The following MACF1 variants were observed in gnomAD, a reference collection of about 807,000 sequenced individuals.
The protein encoded by MACF1 is microtubule-actin cross-linking factor 1.
A neutral mutation model predicts 854.8 loss-of-function variants in MACF1; 193 were observed. The observed-to-expected ratio is 0.23, with a 90% CI of 0.20 to 0.25. The LOEUF (loss-of-function observed/expected upper bound fraction) is 0.25. Among genes scored for constraint, MACF1 ranks in the 10% least tolerant of loss-of-function variants. The probability of loss-of-function intolerance (pLI) is 1.00; values close to 1 mark genes in which losing one functional copy is unlikely to be tolerated. For synonymous variants in MACF1, 3,185 were observed against 3,226.7 expected, an observed-to-expected ratio of 0.99 and a Z score of 0.44; for missense variants, 7,722 against 8,929.1, an observed-to-expected ratio of 0.86 and a Z score of 5.45.
intron 58 of MACF1, chr1:39,414,236 C>T (rs1299906121): frequency 3.1e-6 from 5 of 1,614,070 alleles, no homozygotes; most frequent in Non-Finnish European, 4.2e-6. Flanking sequence ...ATCCCAGCTG[C>T]TGCAGTGCCT....
Position 39,387,456 on chromosome 1 carries a change from A to G in MACF1, c.14614A>G (p.Thr4872Ala), listed in dbSNP as rs894716631. 22 of 1,614,106 alleles carry G rather than the reference A, an allele frequency of 1.4e-5. No homozygotes were observed. Among genetic ancestry groups the G allele is most frequent in the Non-Finnish European group, 1.9e-5 (22 of 1,180,022 alleles). Residue 4872 changes from threonine (T) to alanine (A), a missense_variant, in exon 58 of 101, where the codon ACT (threonine) becomes GCT (alanine). Thr to Ala is a moderately conservative substitution (Grantham distance 58). Around this residue, in one of 15 missense-constraint regions of MACF1, gnomAD observed 2,807 missense variants for 3,235.8 expected, o/e 0.87. Coordinates refer to ENST00000564288, the MANE Select transcript of MACF1 (RefSeq NM_001394062.1). ...LSVPPGEEKR[T>A]LQNQLVELKN... ...TGTACCTCCTGGAGAAGAGAAAAGG[A>G]CTCTACAAAACCAGTTGGTTGAGCT... is the stretch of plus-strand genomic sequence containing the variant.
At chr1:39,208,035 A>G (rs1281026393) in intron 1 of MACF1, among the ~76,000 whole-genome samples, 4 of 151,468 alleles carry the variant, frequency 2.6e-5, no homozygotes, top group Non-Finnish European at 5.9e-5. Context: ...CGGGAGGCTG[A>G]GGCAGGAGAA....
intron 66 of MACF1, among the ~76,000 whole-genome samples, chr1:39,431,941 A>C (rs1023009020): frequency 1.3e-5 from 2 of 152,188 alleles, no homozygotes; most frequent in Admixed American, 1.3e-4. Flanking sequence ...GTGCTACTGC[A>C]CTCCAGCCTG....
At position 39,368,187 on chromosome 1, in the gene MACF1, G is replaced by A. The variant is rs372470650; in HGVS notation, c.12811G>A (p.Asp4271Asn). The change falls in exon 50 of 101, where the codon GAT becomes AAT. Residue 4271 changes from aspartate (D) to asparagine (N), a missense_variant. Asp to Asn is a conservative substitution (Grantham distance 23). Transcript: ENST00000564288. ...AATGGAAGACCAACAGGAGAACCTA[G>A]ATACTCTTGAGCACCTGGTCACTGA... ...LEMEDQQENL[D>N]TLEHLVTELS... 6.8e-6 allele frequency: 11 copies of A among 1,614,134 alleles called. No homozygotes were observed. In the East Asian group the frequency reaches 1.6e-4, roughly 23 times the overall value.
At chr1:39,390,080 CTCACTA>C (rs1404106112) in intron 58 of MACF1, among the ~76,000 whole-genome samples, 2 of 152,206 alleles carry the variant, frequency 1.3e-5, no homozygotes, top group African/African-American at 2.4e-5. Flanking sequence ...GATCTTGGTT[CTCACTA>C]TATTAACCTG....
At position 39,415,556 on chromosome 1, in the gene MACF1, T is replaced by C. The variant is rs182937351; in HGVS notation, c.15817-6818T>C. Among the ~76,000 whole-genome samples, 1,201 of 150,126 alleles carry C rather than the reference T, an allele frequency of 8.0e-3. 5 individuals carry two copies. Among genetic ancestry groups the C allele is most frequent in the Non-Finnish European group, 0.013 (894 of 67,520 alleles). On this transcript the variant is annotated intron_variant, in intron 58 of 100. Coordinates refer to ENST00000564288, the MANE Select transcript of MACF1 (RefSeq NM_001394062.1). ...TTTTTTTTTTTTTAGTAGAGACGGG[T>C]TTCACTGTGTTAGCCAGGATGGTCT...
intron 21 of MACF1, chr1:39,298,625 A>G (rs1401936707): frequency 4.6e-6 from 2 of 435,054 alleles, no homozygotes; most frequent in Non-Finnish European, 9.1e-6. Context: ...GCATTTGTGA[A>G]TTTAAGTTTT....
At chr1:39,321,180 A>T (rs1303022043) in intron 31 of MACF1, among the ~76,000 whole-genome samples, 1 of 152,194 alleles carries the variant, frequency 6.6e-6, no homozygotes, top group African/African-American at 2.4e-5. Flanking sequence ...CAGAACACTC[A>T]CTGTAAGAAA....
intron 2 of MACF1, among the ~76,000 whole-genome samples, chr1:39,122,408 C>T (rs1368122188): frequency 6.6e-6 from 1 of 152,054 alleles, no homozygotes; most frequent in East Asian, 1.9e-4. Flanking sequence ...TGCCCACCAT[C>T]ATGCCTGGCT....
At chr1:39,296,836 AAGGAAGGAAAAG>A (rs747684336) in intron 20 of MACF1, among the ~76,000 whole-genome samples, 2,260 of 133,932 alleles carry the variant, frequency 0.017, 80 homozygotes, top group African/African-American at 0.059. Context: ...GGAAGGAAGG[AAGGAAGGAAAAG>A]AAAGAAAGAG....
intron 97 of MACF1, among the ~76,000 whole-genome samples, chr1:39,470,490 A>T (rs1219514016): frequency 2.0e-5 from 3 of 152,160 alleles, no homozygotes; most frequent in Admixed American, 6.5e-5. Flanking sequence ...AAAAAAATTT[A>T]AAAATTAGCT....
intron 6 of MACF1, chr1:39,269,501 C>A (rs1012743848): frequency 1.6e-6 from 2 of 1,289,734 alleles, no homozygotes; most frequent in Non-Finnish European, 2.0e-6. Flanking sequence ...AAGTGCCCCC[C>A]CAGGATTCCA....
chr1:39,283,052 T>G lies in MACF1; in HGVS notation c.696-137T>G, dbSNP rs1645582299. ...GTATACTTAAAAATGGAATTTGTAC[T>G]CTTCTAAACCTCCTGCTTTTTCTCT... On this transcript the variant is annotated intron_variant, in intron 7 of 100. Coordinates refer to ENST00000564288, the MANE Select transcript of MACF1 (RefSeq NM_001394062.1). This position sits in a 1 kb window ranked among gnomAD's most constrained non-coding sequence, Gnocchi z 4.5. 1.6e-6 allele frequency: 1 copy of G among 612,150 alleles called. No individual in the cohort carries two copies. The highest frequency in any genetic ancestry group is 2.8e-5 in the East Asian group (1 of 36,196). 37.9% of individuals were successfully genotyped at this position (612,150 alleles called of 1,614,324 possible).
At chr1:39,411,049 G>T (rs1557637932) in intron 58 of MACF1, 1 of 1,613,916 alleles carries the variant, frequency 6.2e-7, no homozygotes, top group Non-Finnish European at 8.5e-7. Context: ...CTGGCCGAGG[G>T]CCACAAAAAG....
chr1:39,365,588 A>T (rs1428116694), intron 49 of MACF1, among the ~76,000 whole-genome samples: 1 of 152,202 alleles, frequency 6.6e-6, no homozygotes, highest in Admixed American at 6.5e-5. Context: ...ATTTATTTGA[A>T]AAGTCCATAT....
chr1:39,363,653 A>T (rs1192410960), intron 49 of MACF1, among the ~76,000 whole-genome samples: 1 of 143,932 alleles, frequency 6.9e-6, no homozygotes, highest in Admixed American at 7.2e-5. Context: ...TCTGTTGCCC[A>T]GGCTGAAGTG....
At chr1:39,455,851 A>C (rs143667934) in intron 89 of MACF1, among the ~76,000 whole-genome samples, 2 of 152,190 alleles carry the variant, frequency 1.3e-5, no homozygotes, top group Non-Finnish European at 2.9e-5. Flanking sequence ...GGCAAATACT[A>C]TTTTTAACCA....
chr1:39,359,155 A>G lies in MACF1; in HGVS notation c.12135A>G (p.Glu4045=). 6.2e-7 allele frequency: 1 copy of G among 1,614,088 alleles called. No homozygotes were observed. The highest frequency in any genetic ancestry group is 2.2e-5 in the East Asian group (1 of 44,876). ...TGGACAAGCAGCAGTTGCAGGAGGA[A>G]TTGGCTGAGCACCAAGTACCTGTGG... ...QLATTKQLQE[E]LAEHQVPVEK... Residue 4045 remains glutamate (E), a synonymous_variant, in exon 47 of 101, where the codon GAA becomes GAG. Coordinates refer to ENST00000564288, the MANE Select transcript of MACF1 (RefSeq NM_001394062.1).
At position 39,429,912 on chromosome 1, in the gene MACF1, C is replaced by G; in HGVS notation, c.16974C>G (p.Leu5658=). The change falls in exon 65 of 101, where the codon CTC becomes CTG. Residue 5658 remains leucine (L), a synonymous_variant. Coordinates refer to ENST00000564288, the MANE Select transcript of MACF1 (RefSeq NM_001394062.1). ...TCACAGTTACTAGCTCCAAGGCCCT[C>G]AGAACTTTAGAGCAAGCCCGGCAGC... ...ADITVTSSKA[L]RTLEQARQLA... 1.2e-6 allele frequency: 2 copies of G among 1,614,090 alleles called. No individual in the cohort carries two copies. Among genetic ancestry groups the G allele is most frequent in the Non-Finnish European group, 1.7e-6 (2 of 1,179,996 alleles).
Sources: gnomAD v4.1 joint callset for allele counts (sites outside exome capture counted in the v4.1 genomes callset) on GRCh38, gnomAD v4.1.1 for gene constraint, gnomAD v4.1.1 regional missense constraint, Gnocchi (gnomAD v3.1) non-coding constraint, MANE v1.5 for transcripts, NCBI Gene and HGNC (gene_info 2026-07-23, HGNC 2026-07-21) for gene names.